RERE: variants seen among roughly 807,000 people sequenced by gnomAD.
RERE encodes arginine-glutamic acid dipeptide repeats protein.
Under a neutral mutation model 146.1 loss-of-function variants are expected in RERE, and 40 were observed. The ratio of observed to expected loss-of-function variants is 0.27; its 90% CI spans 0.21 to 0.36. The LOEUF is 0.36. Among genes scored for constraint, RERE ranks in the 10% least tolerant of loss-of-function variants. The probability of loss-of-function intolerance (pLI) is 1.00; values close to 1 mark genes in which losing one functional copy is unlikely to be tolerated. For synonymous variants in RERE, 1,003 were observed against 866.0 expected (o/e 1.16, Z -2.78); for missense variants, 1,933 against 2,138.7 (o/e 0.90, Z 1.90).
chr1:8,688,935 G>A (rs1054277452), intron 1 of RERE, among the ~76,000 whole-genome samples: 1 of 151,850 alleles, frequency 6.6e-6, no homozygotes, highest in Non-Finnish European at 1.5e-5. Context: ...GGTTTCCTGG[G>A]ACACAACTCC....
chr1:8,545,710 G>C (rs1246426435), intron 6 of RERE, among the ~76,000 whole-genome samples: 1 of 140,986 alleles, frequency 7.1e-6, no homozygotes, highest in Non-Finnish European at 1.5e-5. Flanking sequence ...TTGAGACAGA[G>C]TCTCACTCTG....
At chr1:8,719,149 G>C (rs568299699) in intron 1 of RERE, among the ~76,000 whole-genome samples, 1 of 152,246 alleles carries the variant, frequency 6.6e-6, no homozygotes, top group East Asian at 1.9e-4. Flanking sequence ...AACTGGGAAG[G>C]AGTGTGTCCG....
At chr1:8,587,440 A>G (rs756200023) in intron 4 of RERE, among the ~76,000 whole-genome samples, 2 of 152,208 alleles carry the variant, frequency 1.3e-5, no homozygotes, top group African/African-American at 4.8e-5. Flanking sequence ...AATCACTGAC[A>G]GCAAAGACAC....
intron 12 of RERE, among the ~76,000 whole-genome samples, chr1:8,401,439 C>A (rs1643261233): frequency 1.3e-5 from 2 of 151,524 alleles, no homozygotes; most frequent in Admixed American, 1.3e-4. Flanking sequence ...GAGAACCTGT[C>A]ACTAAATAAA....
chr1:8,746,045 G>A (rs1347716277), intron 1 of RERE, among the ~76,000 whole-genome samples: 1 of 152,202 alleles, frequency 6.6e-6, no homozygotes, highest in African/African-American at 2.4e-5. Flanking sequence ...AGCCTGGGCT[G>A]CTGAGCAAGA....
At chr1:8,672,994 G>A (rs529427002) in intron 1 of RERE, among the ~76,000 whole-genome samples, 1 of 152,300 alleles carries the variant, frequency 6.6e-6, no homozygotes, top group Non-Finnish European at 1.5e-5. Flanking sequence ...ACTAGAATCA[G>A]ATGGAGGGAA....
chr1:8,509,097 T>C (rs1310186741), intron 7 of RERE, among the ~76,000 whole-genome samples: 1 of 152,142 alleles, frequency 6.6e-6, no homozygotes, highest in East Asian at 1.9e-4. Flanking sequence ...GTAATTTTAG[T>C]AGTAAATTTC....
At position 8,614,594 on chromosome 1, in the gene RERE, C is replaced by T. The variant is rs1356825729; in HGVS notation, c.489G>A (p.Gln163=). Reference sequence around the variant, plus strand: ...GCCCTCTCCCGGCTTCAGAAAGATGCTGTGGTGGCTGTGATGCCACCGGCA... The same window carrying T: ...GCCCTCTCCCGGCTTCAGAAAGATGTTGTGGTGGCTGTGATGCCACCGGCA... ...CSLPVASQPP[Q]HLSEAGRGPV... Residue 163 remains glutamine (Q), a synonymous_variant, in exon 4 of 23, where the codon CAG becomes CAA. Transcript: ENST00000400908. 6.2e-7 allele frequency: 1 copy of T among 1,613,016 alleles called. No homozygotes were observed. The highest frequency in any genetic ancestry group is 2.2e-5 in the East Asian group (1 of 44,850).
At chr1:8,809,993 T>TTTG (rs757435268) in intron 1 of RERE, among the ~76,000 whole-genome samples, 286 of 151,558 alleles carry the variant, frequency 1.9e-3, no homozygotes, top group African/African-American at 3.9e-3. Context: ...TGTTTTTGTT[T>TTTG]TTGTTGTTGT....
intron 1 of RERE, among the ~76,000 whole-genome samples, chr1:8,714,160 A>T (rs1173737780): frequency 1.3e-5 from 2 of 152,240 alleles, no homozygotes; most frequent in African/African-American, 4.8e-5. Context: ...TTAAATTTTT[A>T]AATATTTATT....
chr1:8,696,430 A>C (rs1639331751), intron 1 of RERE, among the ~76,000 whole-genome samples: 1 of 152,136 alleles, frequency 6.6e-6, no homozygotes, highest in South Asian at 2.1e-4. Context: ...CCAGGGCAAC[A>C]TGGTAAAACC....
In RERE at chr1:8,413,977, C is replaced by T. The variant is rs944820431; in HGVS notation, c.1284+8750G>A. Among the ~76,000 whole-genome samples, 4 of 147,424 alleles carry T rather than the reference C, an allele frequency of 2.7e-5. No individual in the cohort carries two copies. In the South Asian group the frequency reaches 8.5e-4, roughly 31 times the overall value. On this transcript the variant is annotated intron_variant, in intron 12 of 22. Coordinates refer to ENST00000400908, the MANE Select transcript of RERE (RefSeq NM_001042681.2). ...GGAAGAGGGAGGAGAATTGCTTGAA[C>T]CCGGGAGACGGAGGCTGTGGTGAGC...
chr1:8,748,098 A>G (rs557664965), intron 1 of RERE, among the ~76,000 whole-genome samples: 1 of 152,166 alleles, frequency 6.6e-6, no homozygotes, highest in Admixed American at 6.5e-5. Context: ...ATATTACTTA[A>G]GTAGTTGTAT....
intron 1 of RERE, among the ~76,000 whole-genome samples, chr1:8,774,083 T>C (rs1641009093): frequency 6.6e-6 from 1 of 152,080 alleles, no homozygotes; most frequent in East Asian, 1.9e-4. Context: ...TGTTCCTAGG[T>C]GTCCTCTCTC....
At chr1:8,553,283 C>A (rs569843194) in intron 6 of RERE, among the ~76,000 whole-genome samples, 11 of 152,172 alleles carry the variant, frequency 7.2e-5, no homozygotes, top group African/African-American at 2.7e-4. Flanking sequence ...CGTCCACACA[C>A]ACGTGACACT....
At position 8,358,652 on chromosome 1, in the gene RERE, C is replaced by T. The variant is rs765288790; in HGVS notation, c.3883G>A (p.Val1295Ile). 2.6e-5 allele frequency: 41 copies of T among 1,585,382 alleles called. No individual in the cohort carries two copies. The highest frequency in any genetic ancestry group is 7.0e-5 in the Admixed American group (4 of 57,330). ...LAYHMPGLYN[V>I]DPTIRERELR... ...TCCCGCTCGCGGATGGTGGGGTCGA[C>T]GTTGTAGAGGCCAGGCATGTGGTAG... The change falls in exon 20 of 23, where the codon GTC (valine) becomes ATC (isoleucine). Residue 1295 changes from valine (V) to isoleucine (I), a missense_variant. Val to Ile is a conservative substitution (Grantham distance 29). Coordinates refer to ENST00000400908, the MANE Select transcript of RERE (RefSeq NM_001042681.2).
intron 1 of RERE, among the ~76,000 whole-genome samples, chr1:8,719,603 C>A (rs1296155844): frequency 6.6e-6 from 1 of 152,138 alleles, no homozygotes; most frequent in Non-Finnish European, 1.5e-5. Flanking sequence ...CTGCTTAATT[C>A]AGCTTACATA....
chr1:8,595,838 G>A (rs1449461655), intron 4 of RERE, among the ~76,000 whole-genome samples: 1 of 152,084 alleles, frequency 6.6e-6, no homozygotes, highest in African/African-American at 2.4e-5. Context: ...ATATAGGAAA[G>A]AAGAAATGCA....
chr1:8,695,628 G>A (rs1226304567), intron 1 of RERE, among the ~76,000 whole-genome samples: 1 of 143,662 alleles, frequency 7.0e-6, no homozygotes, highest in Admixed American at 7.0e-5. Flanking sequence ...AGGCATGGTA[G>A]TGAGCGCCTG....
Sources: gnomAD v4.1 joint callset for allele counts (sites outside exome capture counted in the v4.1 genomes callset) on GRCh38, gnomAD v4.1.1 for gene constraint, MANE v1.5 for transcripts, NCBI Gene and HGNC (gene_info 2026-07-23, HGNC 2026-07-21) for gene names.